The following SNX6 variants were observed in gnomAD, a reference collection of about 807,000 sequenced individuals.
SNX6 encodes the protein sorting nexin-6.
In SNX6, 34 loss-of-function variants were observed where a neutral mutation model predicts 63.0. The observed-to-expected ratio is 0.54, with a 90% CI of 0.41 to 0.72. SNX6 has a LOEUF of 0.72. SNX6 is among the 30% of genes least tolerant of loss of function. SNX6 has a pLI of 0.00. For synonymous variants in SNX6, 170 were observed against 164.2 expected (o/e 1.04, Z -0.27); for missense variants, 398 against 471.4 (o/e 0.84, Z 1.44).
chr14:34,608,354 G>A (rs1312813185), intron 3 of SNX6, among the ~76,000 whole-genome samples: 2 of 152,020 alleles, frequency 1.3e-5, no homozygotes, highest in African/African-American at 4.8e-5. Flanking sequence ...GTAAAGATGA[G>A]GTCTCACTAA....
chr14:34,589,175 G>A (rs1882292148), intron 8 of SNX6, among the ~76,000 whole-genome samples: 1 of 152,098 alleles, frequency 6.6e-6, no homozygotes, highest in Non-Finnish European at 1.5e-5. Flanking sequence ...AGATTCTAGG[G>A]CTGAGGGCGG....
chr14:34,629,979 G>A (rs1883980906), intron 1 of SNX6, 25 bp from the exon 2 acceptor site: 1 of 1,530,580 alleles, frequency 6.5e-7, no homozygotes, highest in Non-Finnish European at 8.8e-7. Flanking sequence ...GGCACGGCGC[G>A]CCGGGGAAAA....
Position 34,563,186 on chromosome 14 carries a change from A to T in SNX6, c.1168-11T>A, listed in dbSNP as rs1881007330. On this transcript the variant is annotated splice_polypyrimidine_tract_variant and intron_variant, in intron 13 of 13. Coordinates refer to ENST00000362031, the MANE Select transcript of SNX6 (RefSeq NM_152233.4). Reference sequence around the variant, plus strand: ...CAACTGTAGATTACCCTAAAAAAGGAAGAAAAAATAAATTACAAATTTTAT... The same window carrying T: ...CAACTGTAGATTACCCTAAAAAAGGTAGAAAAAATAAATTACAAATTTTAT... 5.6e-6 allele frequency: 9 copies of T among 1,610,648 alleles called. No homozygotes were observed. The highest frequency in any genetic ancestry group is 7.6e-6 in the Non-Finnish European group (9 of 1,177,814).
intron 11 of SNX6, among the ~76,000 whole-genome samples, chr14:34,572,191 C>T (rs1027093295): frequency 6.6e-6 from 1 of 152,082 alleles, no homozygotes; most frequent in African/African-American, 2.4e-5. Flanking sequence ...TACAGTGATA[C>T]CTTGTTGTAG....
chr14:34,585,893 T>A (rs1485888531), intron 9 of SNX6, among the ~76,000 whole-genome samples: 3 of 147,064 alleles, frequency 2.0e-5, no homozygotes, highest in Admixed American at 6.8e-5. Context: ...TGCCCAGCTA[T>A]ATTTCATGTT....
At chr14:34,616,424 C>T (rs993643015) in intron 2 of SNX6, among the ~76,000 whole-genome samples, 10 of 152,140 alleles carry the variant, frequency 6.6e-5, no homozygotes, top group African/African-American at 1.9e-4. Flanking sequence ...GGTTGGAATG[C>T]GGTGGCACAA....
chr14:34,593,196 T>C (rs755040376), intron 7 of SNX6, 46 bp from the exon 8 acceptor site: 5 of 1,149,608 alleles, frequency 4.3e-6, no homozygotes, highest in Non-Finnish European at 6.3e-6. Flanking sequence ...TTATTTGCTT[T>C]AGTTTTATAT....
At chr14:34,603,563 T>C (rs1331066722) in intron 5 of SNX6, 92 bp from the exon 6 acceptor site, 12 of 1,068,764 alleles carry the variant, frequency 1.1e-5, no homozygotes, top group Non-Finnish European at 1.6e-5. Context: ...CTTTGGATTA[T>C]TCCGAATGCA....
At chr14:34,613,650 G>A (rs954127056) in intron 2 of SNX6, among the ~76,000 whole-genome samples, 8 of 151,944 alleles carry the variant, frequency 5.3e-5, no homozygotes, top group Non-Finnish European at 7.4e-5. Context: ...AAAATTAGCC[G>A]GGCGTGGTGG....
chr14:34,562,963 C>T lies in SNX6; in HGVS notation c.*159G>A, dbSNP rs9264. 208,935 of 683,520 alleles carry T rather than the reference C, an allele frequency of 0.31. 35,600 individuals are homozygous for T. The highest frequency in any genetic ancestry group is 0.37 in the Non-Finnish European group (146,494 of 393,826). 42.3% of individuals were successfully genotyped at this position (683,520 alleles called of 1,614,324 possible). On this transcript the variant is annotated 3_prime_UTR_variant, in exon 14 of 14. Transcript: ENST00000362031. Reference sequence around the variant, plus strand: ...GGCACACAGACTGGCATCGCCTGGGCGTGCGCTGCTCCATGTTTCTCAGAA... The same window carrying T: ...GGCACACAGACTGGCATCGCCTGGGTGTGCGCTGCTCCATGTTTCTCAGAA...
At chr14:34,621,320 G>A (rs748306851) in intron 2 of SNX6, among the ~76,000 whole-genome samples, 23 of 152,122 alleles carry the variant, frequency 1.5e-4, no homozygotes, top group Non-Finnish European at 2.6e-4. Context: ...TCTTTGCTCT[G>A]GTCCTTAAAT....
intron 6 of SNX6, among the ~76,000 whole-genome samples, chr14:34,601,881 C>T (rs1882829476): frequency 6.6e-6 from 1 of 151,146 alleles, no homozygotes; most frequent in Non-Finnish European, 1.5e-5. Flanking sequence ...AGGTTACAGG[C>T]ATGAGCCACC....
At chr14:34,595,011 G>A (rs1330513742) in intron 7 of SNX6, among the ~76,000 whole-genome samples, 1 of 152,166 alleles carries the variant, frequency 6.6e-6, no homozygotes, top group African/African-American at 2.4e-5. Context: ...AGGATCGCCT[G>A]AGCCTGGGAG....
In SNX6 at chr14:34,583,850, C is replaced by CTTT. The variant is rs67586044; in HGVS notation, c.795-2253_795-2251dup. ...AAGAATTAACTCTTTGGGAAGGTGG[C>CTTT]TTTTTTTTTTTTTTAAGACGGAGTT... On this transcript the variant is annotated intron_variant, in intron 9 of 13. Transcript: ENST00000362031. Among the ~76,000 whole-genome samples, 886 of 142,828 alleles carry CTTT rather than the reference C, an allele frequency of 6.2e-3. 16 individuals are homozygous for CTTT. Among genetic ancestry groups the CTTT allele is most frequent in the East Asian group, 0.016 (80 of 4,912 alleles). The allele number at this position is 142,828 out of a possible 152,430, so 93.7% of individuals were successfully genotyped here. A position where few individuals can be genotyped will look rare whatever the true frequency, so the allele number is the denominator to read the frequency against.
intron 10 of SNX6, among the ~76,000 whole-genome samples, chr14:34,579,298 C>A (rs995691317): frequency 6.6e-6 from 1 of 152,062 alleles, no homozygotes; most frequent in African/African-American, 2.4e-5. Context: ...AACAGATAAA[C>A]AAATTAATAA....
intron 13 of SNX6, among the ~76,000 whole-genome samples, chr14:34,564,383 T>C (rs969835497): frequency 3.9e-5 from 6 of 152,128 alleles, no homozygotes; most frequent in African/African-American, 7.2e-5. Flanking sequence ...GTAGTAACCA[T>C]AGAACACCCA....
At chr14:34,603,565 C>A in intron 5 of SNX6, 94 bp from the exon 6 acceptor site, 1 of 1,046,562 alleles carries the variant, frequency 9.6e-7, no homozygotes, top group Non-Finnish European at 1.3e-6. Context: ...TTGGATTATT[C>A]CGAATGCAAA....
intron 2 of SNX6, among the ~76,000 whole-genome samples, chr14:34,612,713 C>T (rs1048412029): frequency 4.0e-5 from 6 of 151,764 alleles, no homozygotes; most frequent in African/African-American, 7.3e-5. Flanking sequence ...GGATTATAGG[C>T]GTGAGCCACC....
chr14:34,587,426 G>T (rs1011527725), intron 8 of SNX6, among the ~76,000 whole-genome samples: 1 of 149,200 alleles, frequency 6.7e-6, no homozygotes, highest in Non-Finnish European at 1.5e-5. Flanking sequence ...CTAGCTACTC[G>T]GGAAGCTGTG....
Sources: allele counts gnomAD v4.1 joint callset (sites outside exome capture counted in the v4.1 genomes callset), GRCh38; gene constraint gnomAD v4.1.1; transcripts MANE v1.5; gene names NCBI Gene and HGNC (gene_info 2026-07-23, HGNC 2026-07-21).